RAB32: variants seen among roughly 807,000 people sequenced by gnomAD.
RAB32 encodes the protein ras-related protein Rab-32.
Under a neutral mutation model 17.5 loss-of-function variants are expected in RAB32, and 17 were observed. That is an observed-to-expected ratio of 0.97 (90% CI 0.67 to 1.46). The LOEUF (loss-of-function observed/expected upper bound fraction) is 1.46, where lower values mean the gene tolerates loss of function less well. Among genes scored for constraint, RAB32 ranks in the 40% most tolerant of loss-of-function variants. RAB32 has a pLI of 0.00. For synonymous variants in RAB32, 115 were observed against 111.1 expected, an observed-to-expected ratio of 1.04 and a Z score of -0.22; for missense variants, 288 against 284.3, an observed-to-expected ratio of 1.01 and a Z score of -0.09.
chr6:146,554,470 A>G lies in RAB32; in HGVS notation c.543A>G (p.Ile181Met), dbSNP rs1312341806. 1 of 1,609,146 alleles carries G rather than the reference A, an allele frequency of 6.2e-7. No individual in the cohort carries two copies. The highest frequency in any genetic ancestry group is 8.5e-7 in the Non-Finnish European group (1 of 1,178,578). ...CTGCATTACAGGATAACATAAACAT[A>G]GAGGAAGCTGCCCGGTTCCTAGTGG... ...FETSAKDNIN[I>M]EEAARFLVEK... is the part of the protein sequence containing the mutation. Residue 181 changes from isoleucine (I) to methionine (M), a missense_variant, in exon 3 of 3, where the codon ATA (isoleucine) becomes ATG (methionine). Physicochemically the swap from Ile to Met is conservative, Grantham distance 10. Coordinates refer to ENST00000367495, the MANE Select transcript of RAB32 (RefSeq NM_006834.5).
At chr6:146,553,410 T>G (rs1779919210) in intron 2 of RAB32, among the ~76,000 whole-genome samples, 1 of 152,118 alleles carries the variant, frequency 6.6e-6, no homozygotes, top group Non-Finnish European at 1.5e-5. Context: ...GCAGGGTACA[T>G]CACTTGTGTT....
Position 146,554,688 on chromosome 6 carries a change from A to G in RAB32, c.*83A>G. On this transcript the variant is annotated 3_prime_UTR_variant, in exon 3 of 3. Transcript: ENST00000367495. ...GGTTACAGATGTCATGTTAGCTGGG[A>G]GTCTTCCCACATGTGGCACTTCAAA... is the stretch of plus-strand genomic sequence containing the variant. 1 of 1,466,398 alleles carries G rather than the reference A, an allele frequency of 6.8e-7. No individual in the cohort carries two copies. Among genetic ancestry groups the G allele is most frequent in the Non-Finnish European group, 9.1e-7 (1 of 1,093,020 alleles). 90.8% of individuals were successfully genotyped at this position (1,466,398 alleles called of 1,614,324 possible).
chr6:146,552,878 A>G (rs1423936287), intron 2 of RAB32, among the ~76,000 whole-genome samples: 1 of 152,214 alleles, frequency 6.6e-6, no homozygotes, highest in Non-Finnish European at 1.5e-5. Context: ...AATGCTTACA[A>G]AATGATGGGG....
At chr6:146,550,286 A>C (rs1369357899) in intron 2 of RAB32, among the ~76,000 whole-genome samples, 1 of 152,206 alleles carries the variant, frequency 6.6e-6, no homozygotes, top group African/African-American at 2.4e-5. Flanking sequence ...TCTTTTGTCT[A>C]TTATGGAAAG....
chr6:146,546,348 C>T (rs1263447265), intron 1 of RAB32, among the ~76,000 whole-genome samples: 1 of 151,064 alleles, frequency 6.6e-6, no homozygotes, highest in African/African-American at 2.4e-5. Flanking sequence ...TTATTAGGCT[C>T]ACATTATAAG....
chr6:146,544,470 C>G (rs1779796492), intron 1 of RAB32, among the ~76,000 whole-genome samples: 1 of 152,020 alleles, frequency 6.6e-6, no homozygotes, highest in African/African-American at 2.4e-5. Context: ...TGGAGCGGGC[C>G]GGCGCCTCTC....
At chr6:146,544,845 G>GTAC (rs1779801350) in intron 1 of RAB32, among the ~76,000 whole-genome samples, 1 of 149,152 alleles carries the variant, frequency 6.7e-6, no homozygotes, top group Non-Finnish European at 1.5e-5. Context: ...GTTTGAGGGG[G>GTAC]TACATTTCCC....
intron 2 of RAB32, among the ~76,000 whole-genome samples, chr6:146,552,214 C>G (rs756302565): frequency 1.3e-4 from 20 of 152,228 alleles, no homozygotes; most frequent in South Asian, 4.1e-4. Flanking sequence ...ACTAGTTACA[C>G]TATCATTGGA....
rs994240097 is a variant in RAB32, at chr6:146,554,454, A to G, written c.529-2A>G. ...ATCCCGTTCTTCATTTCTGCATTACAGGATAACATAAACATAGAGGAAGCT... is the reference window on the plus strand; with the variant it reads ...ATCCCGTTCTTCATTTCTGCATTACGGGATAACATAAACATAGAGGAAGCT... On this transcript the variant is annotated splice_acceptor_variant, in intron 2 of 2. Transcript: ENST00000367495. LOFTEE classifies it high-confidence loss of function. 1 of 1,601,556 alleles carries G rather than the reference A, an allele frequency of 6.2e-7. No individual in the cohort carries two copies. Among genetic ancestry groups the G allele is most frequent in the East Asian group, 2.2e-5 (1 of 44,810 alleles).
At chr6:146,551,970 A>G (rs1167825406) in intron 2 of RAB32, among the ~76,000 whole-genome samples, 1 of 152,208 alleles carries the variant, frequency 6.6e-6, no homozygotes, top group African/African-American at 2.4e-5. Flanking sequence ...TAAAAATCTT[A>G]GAGTTAAGGC....
rs1779934841 is a variant in RAB32, at chr6:146,554,477, G to T, written c.550G>T (p.Ala184Ser). Residue 184 changes from alanine to serine, a missense_variant, in exon 3 of 3, where the codon GCT becomes TCT. By Grantham distance (99) the Ala-to-Ser change is moderately conservative. Transcript: ENST00000367495. ...SAKDNINIEE[A>S]ARFLVEKILV... is the part of the protein sequence containing the mutation. ...ACAGGATAACATAAACATAGAGGAAGCTGCCCGGTTCCTAGTGGAGAAGAT... is the reference window on the plus strand; with the variant it reads ...ACAGGATAACATAAACATAGAGGAATCTGCCCGGTTCCTAGTGGAGAAGAT... The T allele has an allele frequency of 6.2e-7, 1 of 1,610,538 alleles. No homozygotes were observed. The highest frequency in any genetic ancestry group is 1.3e-5 in the African/African-American group (1 of 74,574).
chr6:146,554,885 G>A lies in RAB32; in HGVS notation c.*280G>A. 4.1e-6 allele frequency: 1 copy of A among 246,582 alleles called. No individual in the cohort carries two copies. Among genetic ancestry groups the A allele is most frequent in the Non-Finnish European group, 7.8e-6 (1 of 128,514 alleles). 15.3% of individuals were successfully genotyped at this position (246,582 alleles called of 1,614,324 possible). ...ACATTTTTATATGACAATTCCTCAG[G>A]ATTTGGTAAGGCTTCCAAGTTGTAG... On this transcript the variant is annotated 3_prime_UTR_variant, in exon 3 of 3. Coordinates refer to ENST00000367495, the MANE Select transcript of RAB32 (RefSeq NM_006834.5).
intron 2 of RAB32, among the ~76,000 whole-genome samples, chr6:146,553,960 T>C (rs1422679657): frequency 6.6e-6 from 1 of 152,170 alleles, no homozygotes; most frequent in Non-Finnish European, 1.5e-5. Context: ...ACTGACAACA[T>C]TGTTTCAGGC....
chr6:146,551,950 A>C (rs1343261177), intron 2 of RAB32, among the ~76,000 whole-genome samples: 2 of 152,170 alleles, frequency 1.3e-5, no homozygotes, highest in African/African-American at 4.8e-5. Flanking sequence ...AGTAATAAAA[A>C]AATTTAGGTT....
At position 146,549,680 on chromosome 6, in the gene RAB32, C is replaced by T; in HGVS notation, c.467C>T (p.Ser156Phe). 6.2e-6 allele frequency: 10 copies of T among 1,614,182 alleles called. No individual in the cohort carries two copies. The highest frequency in any genetic ancestry group is 4.2e-6 in the Non-Finnish European group (5 of 1,180,006). ...AACAAGGACAGTAGCCAGAGTCCTT[C>T]CCAGGTGGACCAATTCTGCAAAGAA... ...DQNKDSSQSP[S>F]QVDQFCKEHG... is the part of the protein sequence containing the mutation. The change falls in exon 2 of 3, where the codon TCC becomes TTC. Residue 156 changes from serine (S) to phenylalanine (F), a missense_variant. Transcript: ENST00000367495.
In RAB32 at chr6:146,549,665, G is replaced by A; in HGVS notation, c.452G>A (p.Ser151Asn). ...LANKCDQNKD[S>N]SQSPSQVDQF... Reference sequence around the variant, plus strand: ...AACAAATGTGACCAGAACAAGGACAGTAGCCAGAGTCCTTCCCAGGTGGAC... The same window carrying A: ...AACAAATGTGACCAGAACAAGGACAATAGCCAGAGTCCTTCCCAGGTGGAC... The change falls in exon 2 of 3, where the codon AGT (serine) becomes AAT (asparagine). Residue 151 changes from serine (S) to asparagine (N), a missense_variant. Coordinates refer to ENST00000367495, the MANE Select transcript of RAB32 (RefSeq NM_006834.5). 6.2e-7 allele frequency: 1 copy of A among 1,614,140 alleles called. No individual in the cohort carries two copies.
Position 146,544,026 on chromosome 6 carries a change from A to G in RAB32, c.155A>G (p.Gln52Arg). 4 of 1,613,890 alleles carry G rather than the reference A, an allele frequency of 2.5e-6. No individual in the cohort carries two copies. In the South Asian group the frequency reaches 4.4e-5, roughly 18 times the overall value. ...CGCTACGTCCACCAGCTCTTCTCCC[A>G]GCACTACCGGGCCACCATCGGGGTG... ...IKRYVHQLFS[Q>R]HYRATIGVDF... Residue 52 changes from glutamine (Q) to arginine (R), a missense_variant, in exon 1 of 3, where the codon CAG (glutamine) becomes CGG (arginine). Physicochemically the swap from Gln to Arg is conservative, Grantham distance 43 (BLOSUM62 1). Coordinates refer to ENST00000367495, the MANE Select transcript of RAB32 (RefSeq NM_006834.5).
At chr6:146,551,011 C>T (rs921813400) in intron 2 of RAB32, among the ~76,000 whole-genome samples, 1 of 152,134 alleles carries the variant, frequency 6.6e-6, no homozygotes, top group African/African-American at 2.4e-5. Context: ...CTACTAGAAA[C>T]TTACCCTTAG....
intron 2 of RAB32, among the ~76,000 whole-genome samples, chr6:146,550,826 A>G (rs138437182): frequency 1.5e-4 from 23 of 152,264 alleles, no homozygotes; most frequent in African/African-American, 5.5e-4. Flanking sequence ...GTGATGACAG[A>G]TAAACATTAT....
Sources: allele counts gnomAD v4.1 joint callset (sites outside exome capture counted in the v4.1 genomes callset), GRCh38; gene constraint gnomAD v4.1.1; transcripts MANE v1.5; gene names NCBI Gene and HGNC (gene_info 2026-07-23, HGNC 2026-07-21).